Variants in ZNF577 observed in about 807,000 individuals in gnomAD.
ZNF577 encodes the protein zinc finger protein 577.
ZNF577 carries 14 observed loss-of-function variants against 13.9 expected under a neutral mutation model. That is an observed-to-expected ratio of 1.00 (90% CI 0.66 to 1.57). The LOEUF is 1.57. ZNF577 is among the 40% of genes most tolerant of loss of function. The pLI, the probability that ZNF577 is intolerant of heterozygous loss-of-function variation, is 0.00. For synonymous variants in ZNF577, 203 were observed against 202.9 expected, an observed-to-expected ratio of 1.00 and a Z score of 0.00; for missense variants, 555 against 579.2, an observed-to-expected ratio of 0.96 and a Z score of 0.43.
intron 4 of ZNF577, 186 bp from the exon 5 acceptor site, chr19:51,877,563 CATTAGGATGGCTA>C: frequency 2.2e-6 from 1 of 458,512 alleles, no homozygotes. Flanking sequence ...CACCCATACC[CATTAGGATGGCTA>C]CTATCAAAAA....
In ZNF577 at chr19:51,823,917, C is replaced by T. The variant is rs182683513; in HGVS notation, c.*600-12243G>A. On this transcript the variant is annotated intron_variant and NMD_transcript_variant, in intron 9 of 10. Coordinates refer to the ZNF577 transcript ENST00000638827. ...CTGGGTGGCTGGATTCCGGATGACA[C>T]GCACAGTCAACACCATCTGTTACCT... 71 of 1,614,102 alleles carry T rather than the reference C, an allele frequency of 4.4e-5. No individual in the cohort carries two copies. In the Admixed American group the frequency reaches 7.7e-4, roughly 17 times the overall value.
chr19:51,826,862 A>AGG (rs1326369264), intron 9 of ZNF577, among the ~76,000 whole-genome samples: 1 of 152,154 alleles, frequency 6.6e-6, no homozygotes, highest in Non-Finnish European at 1.5e-5. Context: ...CCTTGGAGTG[A>AGG]GGGGGTCACA....
intron 10 of ZNF577, among the ~76,000 whole-genome samples, chr19:51,806,350 G>A (rs1368913460): frequency 6.6e-6 from 1 of 152,152 alleles, no homozygotes; most frequent in East Asian, 1.9e-4. Flanking sequence ...AATCCACCGG[G>A]CCTTTCCATT....
chr19:51,832,742 T>G (rs1384692957), intron 9 of ZNF577, among the ~76,000 whole-genome samples: 2 of 152,208 alleles, frequency 1.3e-5, no homozygotes, highest in African/African-American at 2.4e-5. Flanking sequence ...GTTGAGTTTC[T>G]TTTTTGTTAA....
intron 5 of ZNF577, among the ~76,000 whole-genome samples, chr19:51,858,185 T>C (rs1485459500): frequency 6.6e-6 from 1 of 152,216 alleles, no homozygotes; most frequent in Non-Finnish European, 1.5e-5. Context: ...ACAGAAACCA[T>C]GGGCACGTTA....
chr19:51,883,924 A>G (rs549599548), intron 1 of ZNF577, among the ~76,000 whole-genome samples: 158 of 152,140 alleles, frequency 1.0e-3, no homozygotes, highest in African/African-American at 3.7e-3. Context: ...AAATACAAAA[A>G]TTAGCCTGGT....
chr19:51,878,718 T>C (rs2084809175), intron 3 of ZNF577: 3 of 497,010 alleles, frequency 6.0e-6, no homozygotes, highest in Admixed American at 6.5e-5. Flanking sequence ...TGAAACAACA[T>C]GTAATAAGAC....
chr19:51,851,582 A>G (rs1449744327), intron 5 of ZNF577, among the ~76,000 whole-genome samples: 1 of 152,112 alleles, frequency 6.6e-6, no homozygotes. Context: ...ACTGACACCC[A>G]TAATGCCCCC....
At chr19:51,862,993 T>A (rs1284226673), downstream of ZNF577, 1 of 152,234 alleles carries the variant, frequency 6.6e-6, no homozygotes, top group African/African-American at 2.4e-5. Context: ...TGTACAGACT[T>A]TCCCTTCTCT....
chr19:51,857,254 G>A (rs1176996446), intron 5 of ZNF577, among the ~76,000 whole-genome samples: 8 of 151,452 alleles, frequency 5.3e-5, no homozygotes, highest in African/African-American at 1.5e-4. Context: ...AACCGATATC[G>A]TGCCACCGCA....
At chr19:51,823,496 G>A (rs2084205879) in intron 9 of ZNF577, among the ~76,000 whole-genome samples, 1 of 152,074 alleles carries the variant, frequency 6.6e-6, no homozygotes, top group African/African-American at 2.4e-5. Context: ...GGTGGACAGA[G>A]CCCTTTAATC....
chr19:51,819,497 G>GA (rs75444884), intron 9 of ZNF577, among the ~76,000 whole-genome samples: 25 of 151,898 alleles, frequency 1.6e-4, no homozygotes, highest in East Asian at 3.9e-4. Context: ...TTATGATATG[G>GA]AAAAAAAATG....
Position 51,838,607 on chromosome 19 carries a change from A to C in ZNF577, c.*599+1286T>G, listed in dbSNP as rs985772044. Among the ~76,000 whole-genome samples the C allele has an allele frequency of 1.8e-4, 26 of 147,790 alleles. No homozygotes were observed. The East Asian group carries it at 4.9e-3, about 28-fold the overall frequency. ...TATTTATATATAAGTATAAACATAA[A>C]TATATATAAATTTATATTAAATTAA... On this transcript the variant is annotated intron_variant and NMD_transcript_variant, in intron 9 of 10. Coordinates refer to the ZNF577 transcript ENST00000638827.
At chr19:51,878,887 A>G (rs1402023083) in intron 3 of ZNF577, 1 of 164,316 alleles carries the variant, frequency 6.1e-6, no homozygotes, top group African/African-American at 2.4e-5. Flanking sequence ...CATGATTATC[A>G]ATGATCTCCA....
At chr19:51,860,167 GATGCTTCACA>G (rs1441745154) in intron 5 of ZNF577, 2 of 152,144 alleles carry the variant, frequency 1.3e-5, no homozygotes, top group African/African-American at 4.8e-5. Context: ...CAGATCATAA[GATGCTTCACA>G]ATTTAAGACA....
chr19:51,887,201 C>T lies in ZNF577; in HGVS notation c.-599G>A, dbSNP rs2084960067. 6.6e-6 allele frequency: 1 copy of T among 151,906 alleles called. No individual in the cohort carries two copies. Among genetic ancestry groups the T allele is most frequent in the Admixed American group, 6.6e-5 (1 of 15,250 alleles). The allele number at this position is 151,906 out of a possible 1,614,324, so 9.4% of individuals were successfully genotyped here. A position where few individuals can be genotyped will look rare whatever the true frequency, so the allele number is the denominator to read the frequency against. ...GGTTAATAGAAATCCATCACATGTT[C>T]CTGAAAGTGTTGTATCTAGATCTAC... On this transcript the variant is annotated 5_prime_UTR_variant, in exon 1 of 6. Coordinates refer to ENST00000638348, the MANE Select transcript of ZNF577 (RefSeq NM_001370449.1).
chr19:51,866,007 C>A (rs1179094514), downstream of ZNF577, among the ~76,000 whole-genome samples: 2 of 151,812 alleles, frequency 1.3e-5, no homozygotes, highest in Admixed American at 1.3e-4. Context: ...CCCAGCTACT[C>A]AGAAGGCTGA....
downstream of ZNF577, among the ~76,000 whole-genome samples, chr19:51,866,229 C>T (rs559973131): frequency 7.9e-5 from 12 of 152,010 alleles, no homozygotes; most frequent in South Asian, 1.5e-3. Context: ...ATGAACAGCA[C>T]AGAAATGTTT....
chr19:51,828,603 T>A (rs1489371906), intron 9 of ZNF577, among the ~76,000 whole-genome samples: 2 of 152,116 alleles, frequency 1.3e-5, no homozygotes. Context: ...GGAGTCTCAA[T>A]TCCCATTGCA....
Sources: allele counts gnomAD v4.1 joint callset (sites outside exome capture counted in the v4.1 genomes callset), GRCh38; gene constraint gnomAD v4.1.1; transcripts MANE v1.5; gene names NCBI Gene and HGNC (gene_info 2026-07-23, HGNC 2026-07-21).